Variants in PLCH1 observed in about 807,000 individuals in gnomAD.
PLCH1 encodes the protein 1-phosphatidylinositol 4,5-bisphosphate phosphodiesterase eta-1.
A neutral mutation model predicts 126.7 loss-of-function variants in PLCH1; 60 were observed. The ratio of observed to expected loss-of-function variants is 0.47; its 90% CI spans 0.38 to 0.59. PLCH1 has a LOEUF of 0.59. PLCH1 is among the 20% of genes least tolerant of loss of function. PLCH1 has a pLI of 0.00. For synonymous variants in PLCH1, 719 were observed against 734.9 expected (o/e 0.98, Z 0.35); for missense variants, 1,723 against 2,040.0 (o/e 0.84, Z 2.99).
intron 4 of PLCH1, among the ~76,000 whole-genome samples, chr3:155,588,690 G>T (rs191158505): frequency 6.6e-6 from 1 of 152,114 alleles, no homozygotes; most frequent in South Asian, 2.1e-4. Flanking sequence ...GCACCAACAC[G>T]GAAATCGGCC....
intron 21 of PLCH1, among the ~76,000 whole-genome samples, chr3:155,465,509 G>A (rs956848204): frequency 6.6e-6 from 1 of 152,090 alleles, no homozygotes; most frequent in African/African-American, 2.4e-5. Context: ...GGCCTTGGGT[G>A]AGCCTCTGAG....
intron 3 of PLCH1, 88 bp downstream of exon 3, chr3:155,596,144 C>T (rs560523959): frequency 1.1e-6 from 1 of 920,528 alleles, no homozygotes; most frequent in East Asian, 2.6e-5. Flanking sequence ...TATAAAACTT[C>T]CACAGATCTG....
At chr3:155,695,621 C>T (rs1167401660) in intron 2 of PLCH1, among the ~76,000 whole-genome samples, 2 of 152,268 alleles carry the variant, frequency 1.3e-5, no homozygotes, top group African/African-American at 2.4e-5. Flanking sequence ...AGTCTCTGCT[C>T]TCCTGGACCT....
intron 4 of PLCH1, among the ~76,000 whole-genome samples, chr3:155,592,788 T>A (rs903528686): frequency 2.0e-5 from 3 of 152,230 alleles, no homozygotes; most frequent in Non-Finnish European, 2.9e-5. Flanking sequence ...CAGAAAACAT[T>A]CAGTATTTTT....
chr3:155,735,956 G>A (rs943450845), intron 1 of PLCH1, among the ~76,000 whole-genome samples: 9 of 152,070 alleles, frequency 5.9e-5, no homozygotes, highest in African/African-American at 1.9e-4. Context: ...TTCCCTAAAC[G>A]CCCTTGTAAG....
intron 10 of PLCH1, among the ~76,000 whole-genome samples, chr3:155,543,353 A>G (rs1724677327): frequency 6.6e-6 from 1 of 152,230 alleles, no homozygotes; most frequent in African/African-American, 2.4e-5. Flanking sequence ...GAATAAAAAG[A>G]AATGAACAAA....
At chr3:155,536,361 G>A (rs1161993727) in intron 10 of PLCH1, among the ~76,000 whole-genome samples, 1 of 152,166 alleles carries the variant, frequency 6.6e-6, no homozygotes. Context: ...TCAGAAGGTT[G>A]ATAATTAAGC....
intron 6 of PLCH1, among the ~76,000 whole-genome samples, chr3:155,571,984 C>T (rs1228538269): frequency 6.6e-6 from 1 of 152,162 alleles, no homozygotes; most frequent in Non-Finnish European, 1.5e-5. Context: ...TTTATGATTA[C>T]TTGCTGACAT....
chr3:155,524,012 G>T lies in PLCH1; in HGVS notation c.1363-8C>A. The stretch of plus-strand genomic sequence containing the variant: ...ATAAGGCAACTTCTTACCCTGAAAT[G>T]GAACAAAACATCCCATTTAAAAATG... On this transcript the variant is annotated splice_polypyrimidine_tract_variant and splice_region_variant and intron_variant, in intron 10 of 22. Transcript: ENST00000460012. The T allele has an allele frequency of 2.7e-6, 4 of 1,456,470 alleles. No homozygotes were observed. The highest frequency in any genetic ancestry group is 3.8e-6 in the Non-Finnish European group (4 of 1,043,116). The allele number at this position is 1,456,470 out of a possible 1,614,324, so 90.2% of individuals were successfully genotyped here.
At chr3:155,655,824 C>G (rs1291060793) in intron 2 of PLCH1, among the ~76,000 whole-genome samples, 1 of 151,838 alleles carries the variant, frequency 6.6e-6, no homozygotes, top group African/African-American at 2.4e-5. Context: ...AGAAAGCATT[C>G]AGAAAAGAAT....
At chr3:155,566,146 TATACATATATACAC>T (rs1419163779) in intron 7 of PLCH1, among the ~76,000 whole-genome samples, 4 of 133,802 alleles carry the variant, frequency 3.0e-5, no homozygotes, top group South Asian at 2.2e-4. Context: ...TATATGTATA[TATACATATATACAC>T]ATACATATAT....
At chr3:155,630,077 C>T (rs1737848059) in intron 2 of PLCH1, among the ~76,000 whole-genome samples, 2 of 152,178 alleles carry the variant, frequency 1.3e-5, no homozygotes, top group Admixed American at 1.3e-4. Flanking sequence ...AATGTTTTAT[C>T]ATCCCATGAT....
chr3:155,458,180 A>G (rs1712506708), intron 21 of PLCH1, among the ~76,000 whole-genome samples: 2 of 151,814 alleles, frequency 1.3e-5, no homozygotes, highest in Non-Finnish European at 2.9e-5. Flanking sequence ...CATCTCTACC[A>G]AAAATACAAA....
At chr3:155,639,109 G>T (rs1035648812) in intron 2 of PLCH1, among the ~76,000 whole-genome samples, 4 of 152,064 alleles carry the variant, frequency 2.6e-5, no homozygotes, top group Non-Finnish European at 5.9e-5. Context: ...GAAAAAAATT[G>T]ACAAGATATA....
At chr3:155,719,190 C>T (rs1747753216) in intron 1 of PLCH1, among the ~76,000 whole-genome samples, 1 of 152,154 alleles carries the variant, frequency 6.6e-6, no homozygotes, top group Admixed American at 6.5e-5. Context: ...CCCTGAGTCC[C>T]CAAAGTCCAT....
At chr3:155,615,973 T>C (rs1735749282) in intron 2 of PLCH1, among the ~76,000 whole-genome samples, 2 of 152,220 alleles carry the variant, frequency 1.3e-5, no homozygotes, top group African/African-American at 4.8e-5. Context: ...CTGTCCTTAC[T>C]AGATGCTTTA....
chr3:155,591,006 G>A (rs138055356), intron 4 of PLCH1, among the ~76,000 whole-genome samples: 126 of 152,178 alleles, frequency 8.3e-4, no homozygotes, highest in African/African-American at 2.9e-3. Flanking sequence ...TTCAGAATAC[G>A]GATCCCATAG....
At chr3:155,594,259 A>G in intron 3 of PLCH1, 75 bp from the exon 4 acceptor site, 4 of 1,357,260 alleles carry the variant, frequency 2.9e-6, no homozygotes, top group Non-Finnish European at 4.1e-6. Context: ...GAAACAAGAA[A>G]AGCAAAATCA....
At chr3:155,470,488 T>C (rs1713159525) in intron 21 of PLCH1, among the ~76,000 whole-genome samples, 2 of 152,196 alleles carry the variant, frequency 1.3e-5, no homozygotes, top group East Asian at 1.9e-4. Context: ...TGGAACCAAG[T>C]TGGAAAACAC....
Sources: gnomAD v4.1 joint callset for allele counts (sites outside exome capture counted in the v4.1 genomes callset) on GRCh38, gnomAD v4.1.1 for gene constraint, MANE v1.5 for transcripts, NCBI Gene and HGNC (gene_info 2026-07-23, HGNC 2026-07-21) for gene names.